Variants in SGCE observed in about 807,000 individuals in gnomAD.
The protein encoded by SGCE is epsilon-sarcoglycan.
SGCE carries 26 observed loss-of-function variants against 57.8 expected under a neutral mutation model. The observed-to-expected ratio is 0.45, with a 90% CI of 0.33 to 0.62. The LOEUF (loss-of-function observed/expected upper bound fraction) is 0.62. Ranked by LOEUF, SGCE falls within the 20% of genes least tolerant of loss-of-function variation. SGCE has a pLI of 0.02. For missense variants in SGCE, 468 were observed against 548.6 expected (o/e 0.85, Z 1.47); for synonymous variants, 183 against 189.5 (o/e 0.97, Z 0.28).
chr7:94,645,273 A>C (rs780964984), intron 1 of SGCE, among the ~76,000 whole-genome samples: 5 of 152,144 alleles, frequency 3.3e-5, no homozygotes, highest in Non-Finnish European at 5.9e-5. Flanking sequence ...ACACATTTTT[A>C]TTTATATATA....
chr7:94,638,907 C>T (rs1260338707), intron 1 of SGCE, among the ~76,000 whole-genome samples: 1 of 152,066 alleles, frequency 6.6e-6, no homozygotes, highest in African/African-American at 2.4e-5. Flanking sequence ...GGTTTTGCAA[C>T]AAGAATCATC....
intron 3 of SGCE, chr7:94,624,776 T>C (rs1273025289): frequency 6.6e-6 from 1 of 151,990 alleles, no homozygotes; most frequent in Non-Finnish European, 1.5e-5. Context: ...AGAAAAAAAA[T>C]AGATTTTTTC....
intron 1 of SGCE, chr7:94,639,467 A>G: frequency 3.6e-6 from 5 of 1,407,590 alleles, no homozygotes; most frequent in Non-Finnish European, 4.8e-6. Context: ...AATAAAACAA[A>G]TGTACAAAAA....
In SGCE at chr7:94,585,419, T is replaced by C. The variant is rs1796763450; in HGVS notation, c.*80A>G. ...AACATATGCCAGAAAAGCTCATGCA[T>C]TATTGGAAGAGAAAAGAAATGTGAT... On this transcript the variant is annotated 3_prime_UTR_variant, in exon 11 of 11. Transcript: ENST00000648936. 1 of 1,264,740 alleles carries C rather than the reference T, an allele frequency of 7.9e-7. No homozygotes were observed. The highest frequency in any genetic ancestry group is 1.2e-6 in the Non-Finnish European group (1 of 862,028). The allele number at this position is 1,264,740 out of a possible 1,614,324, so 78.3% of individuals were successfully genotyped here.
At chr7:94,593,911 A>G (rs762940150) in intron 9 of SGCE, among the ~76,000 whole-genome samples, 3 of 152,004 alleles carry the variant, frequency 2.0e-5, no homozygotes, top group Admixed American at 6.6e-5. Flanking sequence ...GGAATTCTCA[A>G]TCTTTGTTGA....
chr7:94,607,291 C>T (rs998259768), intron 5 of SGCE, among the ~76,000 whole-genome samples: 1 of 152,118 alleles, frequency 6.6e-6, no homozygotes, highest in Non-Finnish European at 1.5e-5. Context: ...TACTTCCTAT[C>T]TCATTCTATG....
chr7:94,623,554 AG>A, intron 3 of SGCE, 157 bp from the exon 4 acceptor site: 1 of 610,050 alleles, frequency 1.6e-6, no homozygotes. Context: ...GAGAACTCAG[AG>A]CTTTTAGCAA....
intron 5 of SGCE, among the ~76,000 whole-genome samples, 186 bp from the exon 6 acceptor site, chr7:94,603,638 C>T (rs1799618101): frequency 6.6e-6 from 1 of 152,102 alleles, no homozygotes; most frequent in Non-Finnish European, 1.5e-5. Flanking sequence ...TTCCTTTATT[C>T]AACCAATATT....
chr7:94,628,525 A>T lies in SGCE; in HGVS notation c.233-166T>A, dbSNP rs1804135762. The T allele has an allele frequency of 7.1e-6, 4 of 564,250 alleles. No homozygotes were observed. The Admixed American group carries it at 1.3e-4, about 18-fold the overall frequency. The allele number at this position is 564,250 out of a possible 1,614,324, so 35.0% of individuals were successfully genotyped here. ...GGAATTTAAATTAGGGCACCACGTT[A>T]AAAAAAATCCTTTTGGTTGTTTAAT... On this transcript the variant is annotated intron_variant, in intron 2 of 10. Coordinates refer to ENST00000648936, the MANE Select transcript of SGCE (RefSeq NM_003919.3).
At chr7:94,587,661 G>C (rs759942828) in intron 10 of SGCE, 123 of 1,505,346 alleles carry the variant, frequency 8.2e-5, no homozygotes, top group Non-Finnish European at 9.3e-5. Flanking sequence ...TCAATATATT[G>C]AACAGTCTTG....
chr7:94,635,388 G>A (rs185728269), intron 1 of SGCE, among the ~76,000 whole-genome samples: 4 of 152,300 alleles, frequency 2.6e-5, no homozygotes, highest in Non-Finnish European at 5.9e-5. Flanking sequence ...CCACCTATCT[G>A]CTGTATCTTT....
chr7:94,617,385 C>T (rs995720827), intron 5 of SGCE: 1 of 152,132 alleles, frequency 6.6e-6, no homozygotes, highest in Non-Finnish European at 1.5e-5. Flanking sequence ...TCTACCAATG[C>T]CTTGTTTTTG....
At chr7:94,644,658 T>C (rs1806817951) in intron 1 of SGCE, 1 of 1,285,434 alleles carries the variant, frequency 7.8e-7, no homozygotes. Context: ...TTTGTCTCTT[T>C]CATATTCCAC....
At chr7:94,609,921 C>T (rs1800739833) in intron 5 of SGCE, among the ~76,000 whole-genome samples, 1 of 152,182 alleles carries the variant, frequency 6.6e-6, no homozygotes, top group Non-Finnish European at 1.5e-5. Flanking sequence ...TCTATAGCAG[C>T]TTTGTTCATG....
At chr7:94,589,944 C>T (rs990171580) in intron 9 of SGCE, 11 of 152,330 alleles carry the variant, frequency 7.2e-5, no homozygotes, top group Non-Finnish European at 1.5e-4. Flanking sequence ...AAACCAGTTC[C>T]TGGTGCCAAA....
At position 94,623,360 on chromosome 7, in the gene SGCE, C is replaced by T. The variant is rs747750684; in HGVS notation, c.428G>A (p.Arg143Lys). ...CATTATATTAATTATCAAATTATGCCTTGCAGTCTCAAAGGTGCGCCTGTT... is the reference window on the plus strand; with the variant it reads ...CATTATATTAATTATCAAATTATGCTTTGCAGTCTCAAAGGTGCGCCTGTT... ...AYNRRTFETA[R>K]HNLIINIMSA... Residue 143 changes from arginine (R) to lysine (K), a missense_variant, in exon 4 of 11, where the codon AGG becomes AAG. Transcript: ENST00000648936. The T allele has an allele frequency of 1.2e-6, 2 of 1,605,680 alleles. No homozygotes were observed. The highest frequency in any genetic ancestry group is 2.2e-5 in the South Asian group (2 of 90,190).
chr7:94,649,624 A>T (rs1267404999), intron 1 of SGCE, among the ~76,000 whole-genome samples: 1 of 152,360 alleles, frequency 6.6e-6, no homozygotes, highest in South Asian at 2.1e-4. Context: ...AGCCATCTCA[A>T]ACTGCTGTTT....
At chr7:94,648,600 C>A (rs1807446638) in intron 1 of SGCE, among the ~76,000 whole-genome samples, 1 of 152,128 alleles carries the variant, frequency 6.6e-6, no homozygotes, top group Non-Finnish European at 1.5e-5. Context: ...GTCATCTGTT[C>A]TGTTTCTACT....
At chr7:94,615,329 A>G (rs758474626) in intron 5 of SGCE, among the ~76,000 whole-genome samples, 3 of 152,074 alleles carry the variant, frequency 2.0e-5, no homozygotes, top group Non-Finnish European at 4.4e-5. Flanking sequence ...ACTGCACTCT[A>G]GCCTGGGTGA....
Sources: allele counts gnomAD v4.1 joint callset (sites outside exome capture counted in the v4.1 genomes callset), GRCh38; gene constraint gnomAD v4.1.1; transcripts MANE v1.5; gene names NCBI Gene and HGNC (gene_info 2026-07-23, HGNC 2026-07-21).